The following CDO1 variants were observed in gnomAD, a reference collection of about 807,000 sequenced individuals.
CDO1 encodes cysteine dioxygenase, type I.
CDO1 carries 19 observed loss-of-function variants against 24.5 expected under a neutral mutation model. The observed-to-expected ratio is 0.77, with a 90% confidence interval of 0.54 to 1.14. The LOEUF (loss-of-function observed/expected upper bound fraction) is 1.14. Ranked by LOEUF, CDO1 falls within the 50% of genes most tolerant of loss-of-function variation. CDO1 has a pLI of 0.00. For synonymous variants in CDO1, 91 were observed against 87.0 expected (o/e 1.05, Z -0.26); for missense variants, 244 against 244.8 (o/e 1.00, Z 0.02).
rs186866278 is a variant in CDO1 at position 115,810,276 on chromosome 5, C to A, written c.403+885G>T. Among the ~76,000 whole-genome samples, 174 of 152,198 alleles carry A rather than the reference C, an allele frequency of 1.1e-3. 1 individual carries two copies. The highest frequency in any genetic ancestry group is 1.8e-3 in the Non-Finnish European group (121 of 68,010). ...TGTGAATGAGCGACAACTTCCCATACAATTTGATCTTTGCAAGTGACTTGT... is the reference window on the plus strand; with the variant it reads ...TGTGAATGAGCGACAACTTCCCATAAAATTTGATCTTTGCAAGTGACTTGT... On this transcript the variant is annotated intron_variant, in intron 3 of 4. Coordinates refer to ENST00000250535, the MANE Select transcript of CDO1 (RefSeq NM_001801.3).
At position 115,805,357 on chromosome 5, in the gene CDO1, C is replaced by T; in HGVS notation, c.*76G>A. 5 of 1,238,986 alleles carry T rather than the reference C, an allele frequency of 4.0e-6. No homozygotes were observed. The highest frequency in any genetic ancestry group is 1.5e-5 in the African/African-American group (1 of 65,728). The allele number at this position is 1,238,986 out of a possible 1,614,324, so 76.7% of individuals were successfully genotyped here. A position where few individuals can be genotyped will look rare whatever the true frequency, so the allele number is the denominator to read the frequency against. On this transcript the variant is annotated 3_prime_UTR_variant, in exon 5 of 5. Transcript: ENST00000250535. ...TATTTAAGTATATTACTGGATAGCA[C>T]GTGGTAGGTAGCCTTTTTGTCCAAG...
chr5:115,806,473 G>C lies in CDO1; in HGVS notation c.449C>G (p.Pro150Arg), dbSNP rs752381626. The change falls in exon 4 of 5, where the codon CCT becomes CGT. Residue 150 changes from proline to arginine, a missense_variant. By Grantham distance (103) the Pro-to-Arg change is moderately radical (BLOSUM62 -2). Coordinates refer to ENST00000250535, the MANE Select transcript of CDO1 (RefSeq NM_001801.3). The part of the protein sequence containing the change: ...HRVENISHTE[P>R]AVSLHLYSPP... ...ACTGTACAAGTGAAGGCTCACAGCA[G>C]GTTCCGTATGGCTGATGTTCTCTAC... The C allele has an allele frequency of 1.2e-6, 2 of 1,610,994 alleles. No individual in the cohort carries two copies. The highest frequency in any genetic ancestry group is 2.7e-5 in the African/African-American group (2 of 74,816).
In CDO1 at chr5:115,813,222, T is replaced by G; in HGVS notation, c.207A>C (p.Lys69Asn). 1 of 1,603,620 alleles carries G rather than the reference T, an allele frequency of 6.2e-7. No individual in the cohort carries two copies. The highest frequency in any genetic ancestry group is 8.5e-7 in the Non-Finnish European group (1 of 1,170,678). The change falls in exon 2 of 5, where the codon AAA becomes AAC. Residue 69 changes from lysine to asparagine, a missense_variant. Lys to Asn is a moderately conservative substitution (Grantham distance 94). Coordinates refer to ENST00000250535, the MANE Select transcript of CDO1 (RefSeq NM_001801.3). ...TRNLVDQGNG[K>N]FNLMILCWGE... ...CCCAACAGAGAATCATCAGATTAAA[T>G]TTTCCATTTCCTTGATCCACAAGAT...
intron 1 of CDO1, 105 bp downstream of exon 1, chr5:115,816,123 C>T: frequency 8.4e-7 from 1 of 1,188,042 alleles, no homozygotes; most frequent in African/African-American, 1.6e-5. Flanking sequence ...CGCAGCGCGG[C>T]CCGAGCTTCC....
chr5:115,815,239 A>G (rs951225253), intron 1 of CDO1, among the ~76,000 whole-genome samples: 2 of 152,150 alleles, frequency 1.3e-5, no homozygotes, highest in African/African-American at 4.8e-5. Context: ...AACCACAAAG[A>G]CTGACGCACT....
intron 2 of CDO1, among the ~76,000 whole-genome samples, chr5:115,812,243 C>A (rs920459309): frequency 2.6e-5 from 4 of 152,122 alleles, no homozygotes; most frequent in Non-Finnish European, 4.4e-5. Context: ...TTTCCAAACA[C>A]TTATAAATTC....
At position 115,805,491 on chromosome 5, in the gene CDO1, T is replaced by G. The variant is rs770841260; in HGVS notation, c.574-29A>C. 13 of 1,610,588 alleles carry G rather than the reference T, an allele frequency of 8.1e-6. No homozygotes were observed. The South Asian group carries it at 1.4e-4, about 18-fold the overall frequency. On this transcript the variant is annotated intron_variant, in intron 4 of 4. Transcript: ENST00000250535. ...TAAAAAAGGGAAAAAAAGAAAGCTG[T>G]GTAAGAAACTTTACAAAAGACATTT...
At chr5:115,805,587 G>A (rs920435359) in intron 4 of CDO1, 125 bp from the exon 5 acceptor site, 1 of 765,382 alleles carries the variant, frequency 1.3e-6, no homozygotes, top group African/African-American at 1.8e-5. Context: ...GAGCCTTGTT[G>A]TTTTTCCCGC....
chr5:115,808,560 A>C (rs1041022048), intron 3 of CDO1, among the ~76,000 whole-genome samples: 1 of 152,178 alleles, frequency 6.6e-6, no homozygotes, highest in Non-Finnish European at 1.5e-5. Flanking sequence ...GGATCCAGCC[A>C]CAGGAAACAG....
At chr5:115,809,055 T>C (rs1760074141) in intron 3 of CDO1, among the ~76,000 whole-genome samples, 1 of 152,182 alleles carries the variant, frequency 6.6e-6, no homozygotes, top group South Asian at 2.1e-4. Context: ...GATCTGCAAA[T>C]TCTTTGATCC....
At chr5:115,806,634 T>A (rs1024229129) in intron 3 of CDO1, 116 bp from the exon 4 acceptor site, 2 of 731,618 alleles carry the variant, frequency 2.7e-6, no homozygotes, top group Non-Finnish European at 4.4e-6. Flanking sequence ...GGAATAGATA[T>A]TAATTAGAAT....
chr5:115,810,746 C>A (rs903286972), intron 3 of CDO1, among the ~76,000 whole-genome samples: 9 of 152,246 alleles, frequency 5.9e-5, no homozygotes, highest in South Asian at 2.1e-4. Flanking sequence ...CTCGAGGATA[C>A]TTTTTAGGTA....
chr5:115,806,407 C>T lies in CDO1; in HGVS notation c.515G>A (p.Gly172Glu). Residue 172 changes from glycine (G) to glutamate (E), a missense_variant, in exon 4 of 5, where the codon GGA (glycine) becomes GAA (glutamate). Transcript: ENST00000250535. ...TGTCATTGTGACTTTGTTTTTATGT[C>T]CTGTTCTTTGATCAAAGGCATGGCA... ...DTCHAFDQRT[G>E]HKNKVTMTFH... 6.2e-7 allele frequency: 1 copy of T among 1,611,130 alleles called. No homozygotes were observed. Among genetic ancestry groups the T allele is most frequent in the Non-Finnish European group, 8.5e-7 (1 of 1,179,082 alleles).
rs11545717 is a variant in CDO1, at chr5:115,816,580, C to T, written c.-183G>A. Reference sequence around the variant, plus strand: ...TGTCGTCGCAGAGACAGCAAGAGACCCACCCCCAGGCCCCTGGCAGCGCAG... The same window carrying T: ...TGTCGTCGCAGAGACAGCAAGAGACTCACCCCCAGGCCCCTGGCAGCGCAG... On this transcript the variant is annotated 5_prime_UTR_variant, in exon 1 of 5. Coordinates refer to ENST00000250535, the MANE Select transcript of CDO1 (RefSeq NM_001801.3). The T allele has an allele frequency of 4.7e-6, 3 of 645,084 alleles. No homozygotes were observed. The highest frequency in any genetic ancestry group is 8.0e-6 in the Non-Finnish European group (3 of 376,920). 40.0% of individuals were successfully genotyped at this position (645,084 alleles called of 1,614,324 possible).
intron 3 of CDO1, among the ~76,000 whole-genome samples, chr5:115,808,218 A>G (rs537686340): frequency 3.9e-5 from 6 of 152,230 alleles, no homozygotes; most frequent in Admixed American, 3.9e-4. Context: ...GGCTCAAGCA[A>G]TTCTTCCATC....
At chr5:115,806,901 T>C (rs888415808) in intron 3 of CDO1, among the ~76,000 whole-genome samples, 1 of 152,194 alleles carries the variant, frequency 6.6e-6, no homozygotes, top group Non-Finnish European at 1.5e-5. Flanking sequence ...AAACTCCAAA[T>C]AGCACAGGAA....
chr5:115,816,659 T>TG (rs1033793557), upstream of CDO1: 3 of 467,316 alleles, frequency 6.4e-6, no homozygotes, highest in African/African-American at 2.0e-5. Context: ...TTCAGATCTG[T>TG]GGGGTTCATC....
At position 115,805,438 on chromosome 5, in the gene CDO1, T is replaced by C; in HGVS notation, c.598A>G (p.Asn200Asp). The change falls in exon 5 of 5, where the codon AAC becomes GAC. Residue 200 changes from asparagine (N) to aspartate (D), a missense_variant. By Grantham distance (23) the Asn-to-Asp change is conservative. Transcript: ENST00000250535. ...PNATSGSLEN[N>D] The stretch of plus-strand genomic sequence containing the variant: ...CTCAGAGGGTTTGGTGCCCCTTAGT[T>C]GTTCTCCAGCGAGCCCGAAGTTGCC... The C allele has an allele frequency of 6.2e-7, 1 of 1,613,960 alleles. No individual in the cohort carries two copies. The highest frequency in any genetic ancestry group is 8.5e-7 in the Non-Finnish European group (1 of 1,179,944).
At chr5:115,809,251 C>A (rs553485652) in intron 3 of CDO1, among the ~76,000 whole-genome samples, 2 of 152,192 alleles carry the variant, frequency 1.3e-5, no homozygotes, top group East Asian at 1.9e-4. Flanking sequence ...ATATTTTGAT[C>A]TTTGCTTCTT....
Sources: allele counts gnomAD v4.1 joint callset (sites outside exome capture counted in the v4.1 genomes callset), GRCh38; gene constraint gnomAD v4.1.1; transcripts MANE v1.5; gene names NCBI Gene and HGNC (gene_info 2026-07-23, HGNC 2026-07-21).